The following PRKCA variants were observed in gnomAD, a reference collection of about 807,000 sequenced individuals.
PRKCA encodes protein kinase C alpha, also known as protein kinase C alpha type.
Under a neutral mutation model 87.0 loss-of-function variants are expected in PRKCA, and 27 were observed. That is an observed-to-expected ratio of 0.31 (90% CI 0.23 to 0.43). The LOEUF is 0.43. Among genes scored for constraint, PRKCA ranks in the 20% least tolerant of loss-of-function variants. The pLI is 1.00. For missense variants in PRKCA, 518 were observed against 852.3 expected (o/e 0.61, Z 4.88); for synonymous variants, 329 against 311.1 (o/e 1.06, Z -0.61).
At chr17:66,711,419 A>AT (rs1453323315) in intron 8 of PRKCA, among the ~76,000 whole-genome samples, 2 of 151,952 alleles carry the variant, frequency 1.3e-5, no homozygotes, top group African/African-American at 4.8e-5. Context: ...ATTTTTTCTC[A>AT]TTTTTTAATG....
At chr17:66,312,928 G>C (rs767553220) in intron 2 of PRKCA, among the ~76,000 whole-genome samples, 3 of 151,770 alleles carry the variant, frequency 2.0e-5, no homozygotes, top group Non-Finnish European at 4.4e-5. Context: ...TAGTAGAGAC[G>C]GGGTGTCGCC....
At chr17:66,587,621 G>T (rs953284261) in intron 3 of PRKCA, among the ~76,000 whole-genome samples, 2 of 150,044 alleles carry the variant, frequency 1.3e-5, no homozygotes, top group Non-Finnish European at 3.0e-5. Context: ...TGATTAGATA[G>T]ATATAGATAT....
chr17:66,309,700 C>T (rs781199353), intron 2 of PRKCA, among the ~76,000 whole-genome samples: 8 of 152,120 alleles, frequency 5.3e-5, no homozygotes, highest in Non-Finnish European at 1.2e-4. Context: ...TTGGAGTTGC[C>T]TTCTTATTTT....
rs1968488166 is a variant in PRKCA at position 66,556,156 on chromosome 17, T to C, written c.288+59873T>C. On this transcript the variant is annotated intron_variant, in intron 3 of 16. Coordinates refer to ENST00000413366, the MANE Select transcript of PRKCA (RefSeq NM_002737.3). ...GAGTTTCTGTTTACCACCTGGATGCTTTCCATTTTGAACACATTTGGGCCT... is the reference window on the plus strand; with the variant it reads ...GAGTTTCTGTTTACCACCTGGATGCCTTCCATTTTGAACACATTTGGGCCT... Among the ~76,000 whole-genome samples the C allele has an allele frequency of 2.0e-5, 3 of 152,112 alleles. No homozygotes were observed. In the South Asian group the frequency reaches 6.2e-4, roughly 32 times the overall value.
chr17:66,496,070 A>T lies in PRKCA; in HGVS notation c.206-131A>T, dbSNP rs1016101514. On this transcript the variant is annotated intron_variant, in intron 2 of 16. Coordinates refer to ENST00000413366, the MANE Select transcript of PRKCA (RefSeq NM_002737.3). ...TGATTCTAGAATGAAATGCCTTCTG[A>T]TTGCTGTTTATAAGATTCTGTCTGT... 1.3e-5 allele frequency: 9 copies of T among 691,774 alleles called. No individual in the cohort carries two copies. The African/African-American group carries it at 1.4e-4, about 11-fold the overall frequency. The allele number at this position is 691,774 out of a possible 1,614,324, so 42.9% of individuals were successfully genotyped here.
chr17:66,374,980 G>A lies in PRKCA; in HGVS notation c.205+68853G>A, dbSNP rs374891678. Among the ~76,000 whole-genome samples the A allele has an allele frequency of 5.9e-4, 90 of 152,136 alleles. 1 individual carries two copies. Among genetic ancestry groups the A allele is most frequent in the Non-Finnish European group, 3.7e-4 (25 of 68,014 alleles). ...ACTCCTGGCCTCAAGAAATCTGCCC[G>A]CCTTGGCCTCTCGAAGTGCTGGGAT... On this transcript the variant is annotated intron_variant, in intron 2 of 16. Transcript: ENST00000413366.
intron 2 of PRKCA, among the ~76,000 whole-genome samples, chr17:66,395,489 A>G (rs1237616894): frequency 6.6e-6 from 1 of 152,164 alleles, no homozygotes; most frequent in Non-Finnish European, 1.5e-5. Flanking sequence ...TGGATTAACC[A>G]CATTTCACAT....
At chr17:66,769,491 A>AT (rs1266862882) in intron 13 of PRKCA, among the ~76,000 whole-genome samples, 1 of 152,076 alleles carries the variant, frequency 6.6e-6, no homozygotes, top group Non-Finnish European at 1.5e-5. Context: ...AAATATGTTG[A>AT]TTTTTTTCCT....
chr17:66,365,098 G>T (rs1908623281), intron 2 of PRKCA, among the ~76,000 whole-genome samples: 1 of 152,300 alleles, frequency 6.6e-6, no homozygotes, highest in African/African-American at 2.4e-5. Flanking sequence ...CATTGTAAAA[G>T]CAGCATTTAT....
intron 8 of PRKCA, among the ~76,000 whole-genome samples, chr17:66,716,899 A>C (rs79732414): frequency 1.3e-5 from 2 of 152,206 alleles, no homozygotes; most frequent in African/African-American, 4.8e-5. Flanking sequence ...GGGTGTGTCC[A>C]TGAAAATATT....
intron 8 of PRKCA, among the ~76,000 whole-genome samples, chr17:66,726,962 G>A (rs545456304): frequency 6.6e-6 from 1 of 152,170 alleles, no homozygotes; most frequent in Admixed American, 6.5e-5. Context: ...GACCTCAGGT[G>A]ATCCTCCTGC....
intron 3 of PRKCA, among the ~76,000 whole-genome samples, chr17:66,639,814 T>C (rs1277864987): frequency 6.6e-6 from 1 of 152,036 alleles, no homozygotes; most frequent in Non-Finnish European, 1.5e-5. Context: ...CTGAATAACA[T>C]GGTGAAACCC....
At chr17:66,569,927 T>C (rs1194032549) in intron 3 of PRKCA, among the ~76,000 whole-genome samples, 1 of 152,154 alleles carries the variant, frequency 6.6e-6, no homozygotes, top group Non-Finnish European at 1.5e-5. Context: ...CATGCATGTG[T>C]ACCCCAAAAG....
chr17:66,329,606 C>CA (rs1366524685), intron 2 of PRKCA, among the ~76,000 whole-genome samples: 3 of 152,156 alleles, frequency 2.0e-5, no homozygotes, highest in Non-Finnish European at 4.4e-5. Context: ...GAGGCAGGAA[C>CA]AAAACCAGGA....
chr17:66,658,797 C>G (rs9911259), intron 5 of PRKCA, among the ~76,000 whole-genome samples: 1 of 151,904 alleles, frequency 6.6e-6, no homozygotes, highest in East Asian at 1.9e-4. Flanking sequence ...CAAATTAACT[C>G]TTTCAGTCCT....
chr17:66,409,779 A>G (rs1567814354), intron 2 of PRKCA, among the ~76,000 whole-genome samples: 1 of 152,116 alleles, frequency 6.6e-6, no homozygotes, highest in Non-Finnish European at 1.5e-5. Flanking sequence ...AAGTACAAAA[A>G]AATTAGCCAG....
intron 3 of PRKCA, among the ~76,000 whole-genome samples, chr17:66,591,386 C>T (rs1969800217): frequency 2.0e-5 from 3 of 151,914 alleles, no homozygotes; most frequent in South Asian, 4.2e-4. Flanking sequence ...CTTGAACTCC[C>T]GGGCTCAAAT....
intron 13 of PRKCA, among the ~76,000 whole-genome samples, chr17:66,769,980 A>G (rs1240256427): frequency 6.6e-6 from 1 of 152,008 alleles, no homozygotes. Flanking sequence ...ATTTACATTC[A>G]CTCATTTAAT....
chr17:66,809,089 C>T lies in PRKCA; in HGVS notation c.*5052C>T, dbSNP rs1976107877. 1 of 152,230 alleles carries T rather than the reference C, an allele frequency of 6.6e-6. No individual in the cohort carries two copies. The highest frequency in any genetic ancestry group is 2.4e-5 in the African/African-American group (1 of 41,458). The allele number at this position is 152,230 out of a possible 1,614,324, so 9.4% of individuals were successfully genotyped here. A position where few individuals can be genotyped will look rare whatever the true frequency, so the allele number is the denominator to read the frequency against. ...ACTGGACGGTCAACATTCCTGTCTCCTCCCATTTGGGCTGATGCAGCAGAT... is the reference window on the plus strand; with the variant it reads ...ACTGGACGGTCAACATTCCTGTCTCTTCCCATTTGGGCTGATGCAGCAGAT... On this transcript the variant is annotated 3_prime_UTR_variant, in exon 17 of 17. Coordinates refer to ENST00000413366, the MANE Select transcript of PRKCA (RefSeq NM_002737.3).
Sources: gnomAD v4.1 joint callset for allele counts (sites outside exome capture counted in the v4.1 genomes callset) on GRCh38, gnomAD v4.1.1 for gene constraint, MANE v1.5 for transcripts, NCBI Gene and HGNC (gene_info 2026-07-23, HGNC 2026-07-21) for gene names.